CDH13: variants seen among roughly 807,000 people sequenced by gnomAD.
The protein encoded by CDH13 is cadherin-13.
CDH13 carries 24 observed loss-of-function variants against 63.8 expected under a neutral mutation model. The observed-to-expected ratio is 0.38, with a 90% CI of 0.27 to 0.53. The LOEUF is 0.53. Among genes scored for constraint, CDH13 ranks in the 20% least tolerant of loss-of-function variants. The pLI, the probability that CDH13 is intolerant of heterozygous loss-of-function variation, is 0.85. For synonymous variants in CDH13, 503 were observed against 355.3 expected, an observed-to-expected ratio of 1.42 and a Z score of -4.67; for missense variants, 1,049 against 903.1, an observed-to-expected ratio of 1.16 and a Z score of -2.07.
intron 1 of CDH13, among the ~76,000 whole-genome samples, chr16:82,688,026 A>T (rs1227417430): frequency 6.6e-6 from 1 of 152,114 alleles, no homozygotes; most frequent in African/African-American, 2.4e-5. Context: ...GTGATCACAG[A>T]TCTATATGGC....
Position 83,521,377 on chromosome 16 carries a change from G to GA in CDH13, c.960+34730dup, listed in dbSNP as rs200584596. Among the ~76,000 whole-genome samples, 426 of 151,754 alleles carry GA rather than the reference G, an allele frequency of 2.8e-3. 1 individual carries two copies. Among genetic ancestry groups the GA allele is most frequent in the African/African-American group, 7.4e-3 (308 of 41,416 alleles). ...AAAAAGAATGGAAAAACCAATAATGGAAAAAAAATTGTATTTTTATGCTAA... is the reference window on the plus strand; with the variant it reads ...AAAAAGAATGGAAAAACCAATAATGGAAAAAAAAATTGTATTTTTATGCTAA... On this transcript the variant is annotated intron_variant, in intron 7 of 13. Coordinates refer to ENST00000567109, the MANE Select transcript of CDH13 (RefSeq NM_001257.5).
intron 4 of CDH13, among the ~76,000 whole-genome samples, chr16:83,179,023 T>C (rs2038241231): frequency 6.6e-6 from 1 of 152,228 alleles, no homozygotes; most frequent in Admixed American, 6.5e-5. Flanking sequence ...TATTTGTTCA[T>C]AGGACATGTA....
At chr16:83,225,640 T>TA (rs1393820958) in intron 5 of CDH13, among the ~76,000 whole-genome samples, 1 of 152,114 alleles carries the variant, frequency 6.6e-6, no homozygotes, top group Non-Finnish European at 1.5e-5. Context: ...AACAAAGCAT[T>TA]TGTGGTTCTT....
At chr16:82,879,951 TC>T (rs2040641375) in intron 2 of CDH13, among the ~76,000 whole-genome samples, 2 of 82,402 alleles carry the variant, frequency 2.4e-5, no homozygotes, top group Admixed American at 2.1e-4. Context: ...TATTATAACA[TC>T]AGTATGTATC....
At chr16:83,400,800 T>A (rs1048180137) in intron 6 of CDH13, among the ~76,000 whole-genome samples, 1 of 152,152 alleles carries the variant, frequency 6.6e-6, no homozygotes, top group Non-Finnish European at 1.5e-5. Flanking sequence ...CCTTGTTGTT[T>A]AGAATGGCAC....
intron 1 of CDH13, among the ~76,000 whole-genome samples, chr16:82,645,386 G>A (rs560574872): frequency 3.9e-4 from 59 of 152,334 alleles, no homozygotes; most frequent in African/African-American, 1.4e-3. Flanking sequence ...TGTTTCTGAA[G>A]TGTAGTCTAA....
intron 1 of CDH13, among the ~76,000 whole-genome samples, chr16:82,735,948 G>A (rs2033650668): frequency 6.6e-6 from 1 of 152,180 alleles, no homozygotes; most frequent in African/African-American, 2.4e-5. Context: ...ATACTCACTA[G>A]GCTGATTTAG....
intron 4 of CDH13, among the ~76,000 whole-genome samples, chr16:83,134,130 AG>A (rs1330457488): frequency 2.0e-5 from 3 of 152,232 alleles, no homozygotes; most frequent in African/African-American, 7.2e-5. Context: ...ATTGGTAATG[AG>A]GCCACCAGAT....
intron 1 of CDH13, among the ~76,000 whole-genome samples, chr16:82,783,345 C>T (rs1383520892): frequency 1.3e-5 from 2 of 152,208 alleles, no homozygotes; most frequent in African/African-American, 4.8e-5. Flanking sequence ...GCCAACTGAT[C>T]AGGCTTTCTG....
intron 2 of CDH13, among the ~76,000 whole-genome samples, chr16:83,002,929 T>C (rs578206562): frequency 1.3e-5 from 2 of 152,344 alleles, no homozygotes; most frequent in South Asian, 2.1e-4. Flanking sequence ...TTAACACTTA[T>C]CTATTGAGCA....
intron 11 of CDH13, among the ~76,000 whole-genome samples, chr16:83,756,691 A>C (rs1229229327): frequency 6.6e-6 from 1 of 152,238 alleles, no homozygotes; most frequent in African/African-American, 2.4e-5. Flanking sequence ...ACATGACAAG[A>C]GGTAAAGAGG....
chr16:82,983,795 C>G (rs569542607), intron 2 of CDH13, among the ~76,000 whole-genome samples: 1 of 152,266 alleles, frequency 6.6e-6, no homozygotes, highest in East Asian at 1.9e-4. Flanking sequence ...CCCTGGTCCA[C>G]TTCATAGGAT....
At chr16:82,940,824 C>G (rs890428489) in intron 2 of CDH13, among the ~76,000 whole-genome samples, 14 of 152,116 alleles carry the variant, frequency 9.2e-5, no homozygotes, top group African/African-American at 2.4e-4. Context: ...CCCATGACTC[C>G]TAATTGTTGT....
chr16:82,868,273 T>G (rs1380444916), intron 2 of CDH13, among the ~76,000 whole-genome samples: 1 of 152,070 alleles, frequency 6.6e-6, no homozygotes. Flanking sequence ...TTAATAAGAG[T>G]TTTTCCTATA....
At chr16:82,682,064 A>G (rs1914608774) in intron 1 of CDH13, among the ~76,000 whole-genome samples, 1 of 152,246 alleles carries the variant, frequency 6.6e-6, no homozygotes, top group African/African-American at 2.4e-5. Context: ...CTACGGAGTA[A>G]TAATAGATAA....
intron 5 of CDH13, among the ~76,000 whole-genome samples, chr16:83,323,993 A>G (rs1437650519): frequency 6.6e-6 from 1 of 151,610 alleles, no homozygotes; most frequent in Non-Finnish European, 1.5e-5. Flanking sequence ...GGTTTTTAGT[A>G]TATTCCCAGT....
chr16:83,003,296 C>T (rs1321543299), intron 2 of CDH13, among the ~76,000 whole-genome samples: 1 of 152,068 alleles, frequency 6.6e-6, no homozygotes, highest in East Asian at 1.9e-4. Context: ...TGTGGATTGC[C>T]ATCTCTCATG....
chr16:82,898,079 G>T (rs779210722), intron 2 of CDH13, among the ~76,000 whole-genome samples: 4 of 152,178 alleles, frequency 2.6e-5, no homozygotes, highest in Non-Finnish European at 5.9e-5. Flanking sequence ...AGTGAATAAA[G>T]AAAAAATTAT....
chr16:83,040,967 G>A (rs978046518), intron 3 of CDH13, among the ~76,000 whole-genome samples: 1 of 152,134 alleles, frequency 6.6e-6, no homozygotes, highest in Admixed American at 6.6e-5. Flanking sequence ...AGGATTATGG[G>A]CGAACTTACA....
Sources: gnomAD v4.1 joint callset for allele counts (sites outside exome capture counted in the v4.1 genomes callset) on GRCh38, gnomAD v4.1.1 for gene constraint, MANE v1.5 for transcripts, NCBI Gene and HGNC (gene_info 2026-07-23, HGNC 2026-07-21) for gene names.